The following PCLO variants were observed in gnomAD, a reference collection of about 807,000 sequenced individuals.
PCLO encodes protein piccolo.
Under a neutral mutation model 427.5 loss-of-function variants are expected in PCLO, and 82 were observed. The observed-to-expected ratio is 0.19, with a 90% CI of 0.16 to 0.23. The LOEUF is 0.23. Ranked by LOEUF, PCLO falls within the 10% of genes least tolerant of loss-of-function variation. The pLI, the probability that PCLO is intolerant of heterozygous loss-of-function variation, is 1.00. For missense variants in PCLO, 6,239 were observed against 6,115.9 expected, an observed-to-expected ratio of 1.02 and a Z score of -0.67; for synonymous variants, 2,357 against 2,155.4, an observed-to-expected ratio of 1.09 and a Z score of -2.59.
intron 3 of PCLO, among the ~76,000 whole-genome samples, chr7:83,087,082 G>T (rs1162672918): frequency 1.8e-5 from 2 of 113,282 alleles, no homozygotes; most frequent in Non-Finnish European, 3.5e-5. Context: ...GTGGGGGGAA[G>T]GGGGAGGGAG....
intron 3 of PCLO, among the ~76,000 whole-genome samples, chr7:83,069,894 C>T (rs1214083675): frequency 6.6e-6 from 1 of 150,418 alleles, no homozygotes; most frequent in Non-Finnish European, 1.5e-5. Context: ...AAAAGTACAC[C>T]TTCGAGCCCT....
chr7:82,959,189 C>T (rs1036884847), intron 4 of PCLO, among the ~76,000 whole-genome samples: 16 of 152,134 alleles, frequency 1.1e-4, no homozygotes, highest in Non-Finnish European at 2.4e-4. Flanking sequence ...GCCTCAGCCT[C>T]CCGAGTAGCT....
chr7:83,143,272 A>T (rs1308711814), intron 2 of PCLO, among the ~76,000 whole-genome samples: 1 of 152,194 alleles, frequency 6.6e-6, no homozygotes, highest in African/African-American at 2.4e-5. Context: ...ACTCCCCAAC[A>T]GCAGTTTGGA....
intron 9 of PCLO, among the ~76,000 whole-genome samples, chr7:82,889,832 T>C (rs1793715378): frequency 6.6e-6 from 1 of 152,120 alleles, no homozygotes; most frequent in African/African-American, 2.4e-5. Flanking sequence ...GAAAATGTAT[T>C]TATTGGGCAA....
rs1790294165 is a variant in PCLO, at chr7:82,755,309, C to T, written c.*3266G>A. The T allele has an allele frequency of 6.6e-6, 1 of 151,978 alleles. No individual in the cohort carries two copies. Among genetic ancestry groups the T allele is most frequent in the South Asian group, 2.1e-4 (1 of 4,822 alleles). The allele number at this position is 151,978 out of a possible 1,614,324, so 9.4% of individuals were successfully genotyped here. On this transcript the variant is annotated 3_prime_UTR_variant, in exon 25 of 25. Transcript: ENST00000333891. ...TAAAGAGTAAAGATAACTGATGCCC[C>T]TTAGTCTTGATATTTTAAACTGAAA...
intron 22 of PCLO, among the ~76,000 whole-genome samples, chr7:82,776,002 T>C (rs1482422896): frequency 6.6e-6 from 1 of 152,202 alleles, no homozygotes; most frequent in Non-Finnish European, 1.5e-5. Context: ...TTGTTGTTAC[T>C]GTCATTATGT....
intron 3 of PCLO, among the ~76,000 whole-genome samples, chr7:83,073,805 T>C (rs10244969): frequency 0.054 from 8,197 of 151,136 alleles, 792 homozygotes; most frequent in African/African-American, 0.19. Flanking sequence ...TTTTAGTAAA[T>C]ATTTTATTAC....
At chr7:83,133,656 CAG>C (rs150844906) in intron 3 of PCLO, among the ~76,000 whole-genome samples, 7,741 of 151,934 alleles carry the variant, frequency 0.051, 485 homozygotes, top group East Asian at 0.25. Flanking sequence ...ATATTTCAAA[CAG>C]AATTATAAAA....
At chr7:83,058,095 A>G (rs1280427637) in intron 3 of PCLO, among the ~76,000 whole-genome samples, 1 of 152,212 alleles carries the variant, frequency 6.6e-6, no homozygotes, top group African/African-American at 2.4e-5. Context: ...ACATGTATTT[A>G]AGGCTCAGGC....
chr7:82,976,986 C>T (rs1796031246), intron 3 of PCLO, among the ~76,000 whole-genome samples: 1 of 152,116 alleles, frequency 6.6e-6, no homozygotes, highest in African/African-American at 2.4e-5. Context: ...TCCCAAAGTT[C>T]TGGGATTACA....
intron 9 of PCLO, among the ~76,000 whole-genome samples, chr7:82,890,482 A>G (rs978610593): frequency 6.6e-6 from 1 of 151,850 alleles, no homozygotes; most frequent in Non-Finnish European, 1.5e-5. Context: ...CATATTCAAT[A>G]TTACATATCT....
At chr7:82,836,194 C>T (rs1792229629) in intron 15 of PCLO, among the ~76,000 whole-genome samples, 2 of 152,050 alleles carry the variant, frequency 1.3e-5, no homozygotes, top group South Asian at 4.2e-4. Context: ...AAGATAGATA[C>T]TCCCATATTG....
At chr7:83,089,863 C>G (rs866102154) in intron 3 of PCLO, among the ~76,000 whole-genome samples, 13 of 152,270 alleles carry the variant, frequency 8.5e-5, no homozygotes, top group African/African-American at 2.9e-4. Context: ...GCCAAGATTA[C>G]AGAGTAAGGA....
intron 20 of PCLO, among the ~76,000 whole-genome samples, chr7:82,815,179 C>T (rs760857178): frequency 6.6e-6 from 1 of 151,896 alleles, no homozygotes; most frequent in Non-Finnish European, 1.5e-5. Flanking sequence ...AAAATCTTGT[C>T]TATTTTTGGT....
At chr7:82,951,561 C>T in intron 5 of PCLO, 71 bp from the exon 6 acceptor site, 1 of 1,060,226 alleles carries the variant, frequency 9.4e-7, no homozygotes, top group Non-Finnish European at 1.4e-6. Flanking sequence ...AAAACCCTCT[C>T]ATCTTGATGA....
chr7:82,801,647 G>T, intron 21 of PCLO, 56 bp from the exon 22 acceptor site: 1 of 1,048,856 alleles, frequency 9.5e-7, no homozygotes, highest in Admixed American at 2.0e-5. Flanking sequence ...GAATGCAAAA[G>T]AGGCTAAATT....
intron 8 of PCLO, among the ~76,000 whole-genome samples, chr7:82,903,141 G>T (rs796410500): frequency 2.0e-5 from 3 of 151,978 alleles, no homozygotes; most frequent in African/African-American, 7.2e-5. Flanking sequence ...TTAATTTTCA[G>T]CAATTAAGTT....
In PCLO at chr7:82,965,667, A is replaced by G. The variant is rs78030298; in HGVS notation, c.4017+104T>C. 3.8e-3 allele frequency: 2,613 copies of G among 690,272 alleles called. 50 individuals carry two copies. The African/African-American group carries it at 0.042, about 11-fold the overall frequency. The allele number at this position is 690,272 out of a possible 1,614,324, so 42.8% of individuals were successfully genotyped here. A position where few individuals can be genotyped will look rare whatever the true frequency, so the allele number is the denominator to read the frequency against. On this transcript the variant is annotated intron_variant, in intron 4 of 24. Coordinates refer to ENST00000333891, the MANE Select transcript of PCLO (RefSeq NM_033026.6). Reference sequence around the variant, plus strand: ...CTTTAAGAATGTCATTCATTGTTTGAGGAACTTCACTTATATAATTACCAT... The same window carrying G: ...CTTTAAGAATGTCATTCATTGTTTGGGGAACTTCACTTATATAATTACCAT...
chr7:83,155,066 G>A lies in PCLO; in HGVS notation c.1575C>T (p.Gly525=), dbSNP rs761046163. The A allele has an allele frequency of 6.2e-6, 10 of 1,612,360 alleles. No homozygotes were observed. In the African/African-American group the frequency reaches 1.1e-4, roughly 17 times the overall value. ...GCTGTTGAGATGGGGGTTTTGTTGA[G>A]CCAGGCTGTTGAGGTGAGGGCTTTG... ...GPAKPSPQQP[G]STKPPSQQPG... Residue 525 remains glycine (G), a synonymous_variant, in exon 2 of 25, where the codon GGC becomes GGT. Transcript: ENST00000333891.
Sources: gnomAD v4.1 joint callset for allele counts (sites outside exome capture counted in the v4.1 genomes callset) on GRCh38, gnomAD v4.1.1 for gene constraint, MANE v1.5 for transcripts, NCBI Gene and HGNC (gene_info 2026-07-23, HGNC 2026-07-21) for gene names.